The following STK10 variants were observed in gnomAD, a reference collection of about 807,000 sequenced individuals.
The protein encoded by STK10 is serine/threonine kinase 10.
Under a neutral mutation model 113.8 loss-of-function variants are expected in STK10, and 78 were observed. The observed-to-expected ratio is 0.69, with a 90% CI of 0.57 to 0.83. The LOEUF is 0.83. Ranked by LOEUF, STK10 falls within the 40% of genes least tolerant of loss-of-function variation. STK10 has a pLI of 0.00. For missense variants in STK10, 1,109 were observed against 1,280.1 expected (o/e 0.87, Z 2.04); for synonymous variants, 465 against 494.7 (o/e 0.94, Z 0.80).
Position 172,096,398 on chromosome 5 carries a change from C to T in STK10, c.1005+28G>A, listed in dbSNP as rs566940635. On this transcript the variant is annotated intron_variant, in intron 8 of 18. Transcript: ENST00000176763. ...GCTGAGATCCTGTCCTCCCAGCCCC[C>T]GCTAAGCCCCACTCTCCCTGGCCTT... 6.2e-6 allele frequency: 10 copies of T among 1,607,634 alleles called. No individual in the cohort carries two copies. In the South Asian group the frequency reaches 6.6e-5, roughly 11 times the overall value.
In STK10 at chr5:172,127,880, C is replaced by T. The variant is rs190684062; in HGVS notation, c.322-459G>A. On this transcript the variant is annotated intron_variant, in intron 2 of 18. Coordinates refer to ENST00000176763, the MANE Select transcript of STK10 (RefSeq NM_005990.4). The stretch of plus-strand genomic sequence containing the variant: ...CTCAGGCTCTCTCCATCTTCCAGAA[C>T]CCTGGACCTTGCTGGCTCAGAACAT... 3.9e-3 allele frequency among the ~76,000 whole-genome samples: 595 copies of T among 152,318 alleles called. 3 individuals carry two copies. Among genetic ancestry groups the T allele is most frequent in the Non-Finnish European group, 4.8e-3 (329 of 68,028 alleles).
intron 15 of STK10, among the ~76,000 whole-genome samples, chr5:172,056,063 C>T (rs1014273949): frequency 7.9e-5 from 12 of 152,086 alleles, no homozygotes; most frequent in South Asian, 2.1e-4. Context: ...AAAATGTACA[C>T]GAAAGGGGAT....
At chr5:172,106,408 A>AAAAAAAAG (rs1769108632) in intron 6 of STK10, among the ~76,000 whole-genome samples, 1 of 142,588 alleles carries the variant, frequency 7.0e-6, no homozygotes, top group African/African-American at 2.6e-5. Context: ...TCTCAAAAAA[A>AAAAAAAAG]AAAAAAAAAA....
intron 14 of STK10, among the ~76,000 whole-genome samples, chr5:172,060,171 G>A (rs902843604): frequency 3.3e-5 from 5 of 152,194 alleles, no homozygotes; most frequent in African/African-American, 9.6e-5. Context: ...ACTTTGGGAG[G>A]CTGAGACAGG....
chr5:172,140,463 G>A (rs998391764), intron 2 of STK10, among the ~76,000 whole-genome samples: 20 of 152,322 alleles, frequency 1.3e-4, no homozygotes, highest in African/African-American at 4.3e-4. Flanking sequence ...TTCGGAGGCC[G>A]AGGCAGGTGG....
At chr5:172,094,927 C>G (rs1422269433) in intron 8 of STK10, among the ~76,000 whole-genome samples, 1 of 152,172 alleles carries the variant, frequency 6.6e-6, no homozygotes, top group Non-Finnish European at 1.5e-5. Flanking sequence ...GAACATTCTT[C>G]CTGTGTATAA....
chr5:172,171,147 C>T (rs1320737804), intron 1 of STK10, among the ~76,000 whole-genome samples: 1 of 152,060 alleles, frequency 6.6e-6, no homozygotes, highest in East Asian at 1.9e-4. Flanking sequence ...AACATCTGTG[C>T]GTTAAAGACA....
chr5:172,076,449 A>G (rs74558011), intron 12 of STK10, among the ~76,000 whole-genome samples: 5 of 43,504 alleles, frequency 1.1e-4, no homozygotes, highest in African/African-American at 1.6e-4. Flanking sequence ...TGTCCTGTGC[A>G]TTTGTTGTGG....
intron 2 of STK10, among the ~76,000 whole-genome samples, chr5:172,131,042 T>G (rs943593868): frequency 6.7e-5 from 10 of 148,288 alleles, no homozygotes; most frequent in East Asian, 2.0e-4. Flanking sequence ...GTTTTTTTTT[T>G]TTTTTTTTTT....
At chr5:172,113,470 C>T (rs1769289167) in intron 4 of STK10, among the ~76,000 whole-genome samples, 1 of 152,150 alleles carries the variant, frequency 6.6e-6, no homozygotes, top group South Asian at 2.1e-4. Flanking sequence ...AGGTAAATTA[C>T]ATTTTGTGCC....
intron 16 of STK10, 142 bp from the exon 17 acceptor site, chr5:172,054,836 G>A (rs1581131710): frequency 2.4e-6 from 3 of 1,259,648 alleles, no homozygotes; most frequent in Admixed American, 2.2e-5. Flanking sequence ...ACCTCAGGCT[G>A]TGCCCGTGTT....
chr5:172,068,456 G>A (rs541689922), intron 12 of STK10, among the ~76,000 whole-genome samples: 1 of 152,232 alleles, frequency 6.6e-6, no homozygotes, highest in African/African-American at 2.4e-5. Context: ...AGGAAGAAAG[G>A]CTACATTGGA....
intron 18 of STK10, among the ~76,000 whole-genome samples, chr5:172,051,877 G>A (rs1421913543): frequency 2.0e-5 from 3 of 152,202 alleles, no homozygotes; most frequent in Admixed American, 1.3e-4. Context: ...GAATTTCTCA[G>A]TGGGTGGAGG....
chr5:172,124,343 C>G (rs1769576592), intron 3 of STK10, among the ~76,000 whole-genome samples: 1 of 152,152 alleles, frequency 6.6e-6, no homozygotes, highest in African/African-American at 2.4e-5. Context: ...AGACCTTTCC[C>G]CCACCTAAAA....
intron 1 of STK10, among the ~76,000 whole-genome samples, chr5:172,168,696 G>A (rs994471904): frequency 6.6e-6 from 1 of 152,190 alleles, no homozygotes; most frequent in South Asian, 2.1e-4. Context: ...GGAGGCCCAG[G>A]CAGAGAAACT....
Position 172,055,662 on chromosome 5 carries a change from T to G in STK10, c.2452A>C (p.Met818Leu), listed in dbSNP as rs760393327. The change falls in exon 16 of 19, where the codon ATG becomes CTG. Residue 818 changes from methionine to leucine, a missense_variant. Transcript: ENST00000176763. ...TGGAGGCTCTTCTTGTACATGGCCA[T>G]GCGCGTCTTGCCCTCACTCCTCTGG... ...KIQRSEGKTR[M>L]AMYKKSLHIN... The G allele has an allele frequency of 2.5e-6, 4 of 1,582,470 alleles. No homozygotes were observed. The highest frequency in any genetic ancestry group is 1.7e-6 in the Non-Finnish European group (2 of 1,162,448).
intron 2 of STK10, among the ~76,000 whole-genome samples, chr5:172,150,464 A>G (rs904766599): frequency 1.3e-5 from 2 of 151,032 alleles, no homozygotes; most frequent in African/African-American, 4.9e-5. Context: ...CTGGGCAACA[A>G]GAGCGAAACA....
At chr5:172,156,578 C>T (rs774152486) in intron 2 of STK10, 46 bp downstream of exon 2, 3 of 1,583,046 alleles carry the variant, frequency 1.9e-6, no homozygotes, top group South Asian at 1.1e-5. Context: ...CTCCAGAGCA[C>T]CAGGCCATGG....
At chr5:172,106,398 T>C (rs1292068310) in intron 6 of STK10, among the ~76,000 whole-genome samples, 3 of 7,288 alleles carry the variant, frequency 4.1e-4, no homozygotes, top group African/African-American at 8.8e-4. Flanking sequence ...TGAGACCCTA[T>C]CTCAAAAAAA....
Sources: allele counts gnomAD v4.1 joint callset (sites outside exome capture counted in the v4.1 genomes callset), GRCh38; gene constraint gnomAD v4.1.1; transcripts MANE v1.5; gene names NCBI Gene and HGNC (gene_info 2026-07-23, HGNC 2026-07-21).